SGK3: variants seen among roughly 807,000 people sequenced by gnomAD.
SGK3 encodes the protein serine/threonine-protein kinase Sgk3.
SGK3 carries 47 observed loss-of-function variants against 68.5 expected under a neutral mutation model. The observed-to-expected ratio is 0.69, with a 90% confidence interval of 0.54 to 0.87. The LOEUF (loss-of-function observed/expected upper bound fraction) is 0.87. SGK3 is among the 40% of genes least tolerant of loss of function. SGK3 has a pLI of 0.00. For missense variants in SGK3, 479 were observed against 575.5 expected, an observed-to-expected ratio of 0.83 and a Z score of 1.72; for synonymous variants, 181 against 189.1, an observed-to-expected ratio of 0.96 and a Z score of 0.35.
chr8:66,783,255 A>G (rs911286924), intron 1 of SGK3, among the ~76,000 whole-genome samples: 7 of 152,126 alleles, frequency 4.6e-5, no homozygotes, highest in African/African-American at 1.7e-4. Context: ...TGCCATCTGT[A>G]TGTCTTCTTT....
At chr8:66,717,159 C>T (rs1481943688) in intron 1 of SGK3, among the ~76,000 whole-genome samples, 28 of 141,574 alleles carry the variant, frequency 2.0e-4, no homozygotes, top group African/African-American at 7.1e-4. Context: ...GAGCCAAGAT[C>T]GTGCCATTGC....
intron 1 of SGK3, among the ~76,000 whole-genome samples, chr8:66,726,723 C>G (rs1303387405): frequency 6.7e-6 from 1 of 148,986 alleles, no homozygotes; most frequent in Admixed American, 6.8e-5. Context: ...ATCGCTTGAG[C>G]TCAGGAGTTT....
At chr8:66,831,750 C>T (rs1270089316) in intron 8 of SGK3, among the ~76,000 whole-genome samples, 1 of 152,140 alleles carries the variant, frequency 6.6e-6, no homozygotes, top group Non-Finnish European at 1.5e-5. Context: ...GATACTTTCC[C>T]CACCCTCAAA....
chr8:66,809,035 A>G (rs1286846273), intron 4 of SGK3, among the ~76,000 whole-genome samples: 2 of 151,048 alleles, frequency 1.3e-5, no homozygotes, highest in Admixed American at 1.3e-4. Context: ...ATGCCCGGCT[A>G]ATTTTGTATT....
At chr8:66,729,729 A>ATT (rs1386139254) in intron 1 of SGK3, among the ~76,000 whole-genome samples, 3 of 145,048 alleles carry the variant, frequency 2.1e-5, no homozygotes, top group African/African-American at 8.4e-5. Flanking sequence ...ACATTTATTT[A>ATT]TTTATTTTTA....
intron 1 of SGK3, among the ~76,000 whole-genome samples, chr8:66,723,485 G>A (rs1158163025): frequency 3.3e-5 from 5 of 151,812 alleles, no homozygotes; most frequent in Non-Finnish European, 7.4e-5. Flanking sequence ...CCTCTGTCAC[G>A]TAAGCTGGAG....
chr8:66,761,547 T>G (rs904585837), intron 1 of SGK3, among the ~76,000 whole-genome samples: 2 of 152,120 alleles, frequency 1.3e-5, no homozygotes, highest in Non-Finnish European at 2.9e-5. Context: ...GGCGGTCAGA[T>G]CACAAGAGGC....
intron 1 of SGK3, among the ~76,000 whole-genome samples, chr8:66,779,594 ATATAT>A (rs1563623048): frequency 5.4e-5 from 7 of 130,344 alleles, no homozygotes; most frequent in Admixed American, 2.3e-4. Context: ...ATATATATAT[ATATAT>A]ATAAAACACA....
At chr8:66,730,350 A>G (rs1255066730) in intron 1 of SGK3, among the ~76,000 whole-genome samples, 4 of 152,146 alleles carry the variant, frequency 2.6e-5, no homozygotes, top group Admixed American at 6.6e-5. Context: ...TTCTGAATAT[A>G]TGTCCCTTAT....
intron 1 of SGK3, among the ~76,000 whole-genome samples, chr8:66,744,501 ATATATATATATATATATAT>A (rs1563605543): frequency 9.7e-5 from 2 of 20,670 alleles, no homozygotes; most frequent in South Asian, 1.6e-3. Context: ...ATATATATAT[ATATATATATATATATATAT>A]TTTTTTTTTT....
At chr8:66,825,583 C>T (rs901285763) in intron 6 of SGK3, among the ~76,000 whole-genome samples, 16 of 152,004 alleles carry the variant, frequency 1.1e-4, no homozygotes, top group African/African-American at 2.7e-4. Context: ...CTGGGATTAC[C>T]GGCATGAGCC....
chr8:66,722,032 G>C (rs1049978981), intron 1 of SGK3, among the ~76,000 whole-genome samples: 2 of 152,106 alleles, frequency 1.3e-5, no homozygotes, highest in African/African-American at 4.8e-5. Context: ...GGGACTTACA[G>C]AAGAAGCAAT....
At chr8:66,736,466 T>C (rs1805317500) in intron 1 of SGK3, among the ~76,000 whole-genome samples, 1 of 152,018 alleles carries the variant, frequency 6.6e-6, no homozygotes, top group Non-Finnish European at 1.5e-5. Flanking sequence ...ATAATATATA[T>C]ATATTTTTTG....
chr8:66,850,947 C>T (rs775624180), intron 16 of SGK3, 27 bp downstream of exon 16: 1 of 1,573,276 alleles, frequency 6.4e-7, no homozygotes, highest in Non-Finnish European at 8.6e-7. Flanking sequence ...ATCTTTCTTT[C>T]TAGAATCGTG....
intron 13 of SGK3, among the ~76,000 whole-genome samples, chr8:66,842,812 T>C (rs1385072545): frequency 6.6e-6 from 1 of 152,232 alleles, no homozygotes; most frequent in Non-Finnish European, 1.5e-5. Context: ...CTCATGCCAG[T>C]AATCCCAGCA....
At chr8:66,764,222 T>G (rs1305307993) in intron 1 of SGK3, among the ~76,000 whole-genome samples, 1 of 152,200 alleles carries the variant, frequency 6.6e-6, no homozygotes, top group Non-Finnish European at 1.5e-5. Flanking sequence ...GAATAGAGTT[T>G]AAGATTTTTT....
chr8:66,728,994 C>A lies in SGK3; in HGVS notation c.-122+16161C>A, dbSNP rs113404375. ...CAGCACTTTGGGAGGCTGAGGCGGGCGGATCACAAGGTCAGGAGATGGAGA... is the reference window on the plus strand; with the variant it reads ...CAGCACTTTGGGAGGCTGAGGCGGGAGGATCACAAGGTCAGGAGATGGAGA... On this transcript the variant is annotated intron_variant, in intron 1 of 16. Coordinates refer to ENST00000521198, the MANE Select transcript of SGK3 (RefSeq NM_001033578.3). Among the ~76,000 whole-genome samples the A allele has an allele frequency of 3.3e-5, 5 of 151,166 alleles. No homozygotes were observed. The East Asian group carries it at 9.8e-4, about 30-fold the overall frequency.
At chr8:66,732,505 T>A (rs539241237) in intron 1 of SGK3, among the ~76,000 whole-genome samples, 13 of 150,160 alleles carry the variant, frequency 8.7e-5, no homozygotes, top group East Asian at 4.0e-4. Context: ...AAAAAAAAAA[T>A]TTAACTTTGC....
At chr8:66,739,000 A>C (rs1329449886) in intron 1 of SGK3, among the ~76,000 whole-genome samples, 1 of 152,150 alleles carries the variant, frequency 6.6e-6, no homozygotes, top group Non-Finnish European at 1.5e-5. Context: ...CCCAAAACTG[A>C]AATGCTTGCC....
Sources: allele counts gnomAD v4.1 joint callset (sites outside exome capture counted in the v4.1 genomes callset), GRCh38; gene constraint gnomAD v4.1.1; transcripts MANE v1.5; gene names NCBI Gene and HGNC (gene_info 2026-07-23, HGNC 2026-07-21).